SLC24A2: variants seen among roughly 807,000 people sequenced by gnomAD.
The protein encoded by SLC24A2 is solute carrier family 24 member 2.
Under a neutral mutation model 62.0 loss-of-function variants are expected in SLC24A2, and 36 were observed. The observed-to-expected ratio is 0.58, with a 90% confidence interval of 0.44 to 0.77. The LOEUF (loss-of-function observed/expected upper bound fraction) is 0.77, where lower values mean the gene tolerates loss of function less well. Ranked by LOEUF, SLC24A2 falls within the 30% of genes least tolerant of loss-of-function variation. SLC24A2 has a pLI of 0.00. For missense variants in SLC24A2, 846 were observed against 817.9 expected, an observed-to-expected ratio of 1.03 and a Z score of -0.42; for synonymous variants, 358 against 294.0, an observed-to-expected ratio of 1.22 and a Z score of -2.23.
chr9:20,162,617 C>T, the SLC24A2 span, among the ~76,000 whole-genome samples: 1 of 152,044 alleles, frequency 6.6e-6, no homozygotes, highest in Non-Finnish European at 1.5e-5. Flanking sequence ...GGAATCCTCC[C>T]TAACTCATTT....
At chr9:19,536,164 T>G (rs1233068197) in intron 8 of SLC24A2, among the ~76,000 whole-genome samples, 2 of 151,232 alleles carry the variant, frequency 1.3e-5, no homozygotes, top group African/African-American at 2.4e-5. Flanking sequence ...TTTTATCTGA[T>G]TCTAAGAAAT....
At chr9:20,171,040 T>C in the SLC24A2 span, among the ~76,000 whole-genome samples, 3 of 151,982 alleles carry the variant, frequency 2.0e-5, no homozygotes, top group Non-Finnish European at 4.4e-5. Context: ...CCCTACAAAC[T>C]AGAAGGGATT....
chr9:20,298,507 G>A, the SLC24A2 span, among the ~76,000 whole-genome samples: 1 of 152,220 alleles, frequency 6.6e-6, no homozygotes, highest in Non-Finnish European at 1.5e-5. Flanking sequence ...GGGATTACAG[G>A]CGTGAGCCAC....
the SLC24A2 span, among the ~76,000 whole-genome samples, chr9:20,307,064 CTAT>C: frequency 1.3e-5 from 2 of 152,132 alleles, no homozygotes; most frequent in African/African-American, 4.8e-5. Context: ...ATTTTACCTA[CTAT>C]GTTTTAAATC....
chr9:20,069,131 C>T, the SLC24A2 span, among the ~76,000 whole-genome samples: 40 of 152,274 alleles, frequency 2.6e-4, no homozygotes, highest in South Asian at 1.7e-3. Context: ...TTTCTTCTCC[C>T]TTATCCAAGC....
the SLC24A2 span, among the ~76,000 whole-genome samples, chr9:20,084,578 T>C: frequency 1.4e-5 from 2 of 146,646 alleles, no homozygotes; most frequent in African/African-American, 2.5e-5. Context: ...ACCACCTCAG[T>C]GAACTCTCCA....
At chr9:20,273,549 G>C in the SLC24A2 span, among the ~76,000 whole-genome samples, 1 of 152,104 alleles carries the variant, frequency 6.6e-6, no homozygotes, top group Non-Finnish European at 1.5e-5. Flanking sequence ...GAGATCTGGT[G>C]GTGTTAAAAA....
chr9:19,896,725 C>T, the SLC24A2 span, among the ~76,000 whole-genome samples: 1 of 152,178 alleles, frequency 6.6e-6, no homozygotes, highest in South Asian at 2.1e-4. Context: ...ATGGTGAAGA[C>T]TTTGTCCATC....
intron 7 of SLC24A2, among the ~76,000 whole-genome samples, chr9:19,558,498 T>G (rs1325586739): frequency 6.6e-6 from 1 of 152,200 alleles, no homozygotes; most frequent in Non-Finnish European, 1.5e-5. Context: ...GTGCACTTCA[T>G]TGCTGATGGC....
At chr9:19,543,883 G>T (rs1834412034) in intron 8 of SLC24A2, among the ~76,000 whole-genome samples, 1 of 152,170 alleles carries the variant, frequency 6.6e-6, no homozygotes, top group African/African-American at 2.4e-5. Flanking sequence ...GTGCGATGAG[G>T]TGCTGAGAAG....
the SLC24A2 span, among the ~76,000 whole-genome samples, chr9:19,864,935 T>C: frequency 6.6e-6 from 1 of 151,580 alleles, no homozygotes; most frequent in African/African-American, 2.4e-5. Flanking sequence ...ATATTTGGAA[T>C]AACCTAAAGA....
chr9:19,594,479 A>C (rs1836648568), intron 5 of SLC24A2, among the ~76,000 whole-genome samples: 2 of 152,084 alleles, frequency 1.3e-5, no homozygotes, highest in Admixed American at 1.3e-4. Context: ...ACAAAACAAA[A>C]CCAACCAACC....
the SLC24A2 span, among the ~76,000 whole-genome samples, chr9:20,284,176 T>C: frequency 6.6e-6 from 1 of 152,224 alleles, no homozygotes; most frequent in Non-Finnish European, 1.5e-5. Flanking sequence ...CCTAACTACC[T>C]GTAACATACA....
At chr9:20,061,900 C>T in the SLC24A2 span, among the ~76,000 whole-genome samples, 36 of 152,088 alleles carry the variant, frequency 2.4e-4, no homozygotes, top group East Asian at 6.0e-3. Flanking sequence ...GGGCAACCCA[C>T]GGAGTGGATG....
intron 7 of SLC24A2, among the ~76,000 whole-genome samples, chr9:19,565,517 T>A (rs1198689793): frequency 1.3e-5 from 2 of 150,830 alleles, no homozygotes; most frequent in African/African-American, 4.9e-5. Flanking sequence ...GAAGAATCAA[T>A]ATTGTGAAAA....
At chr9:20,034,718 T>G in the SLC24A2 span, among the ~76,000 whole-genome samples, 50 of 152,152 alleles carry the variant, frequency 3.3e-4, 1 homozygote, top group Non-Finnish European at 1.3e-4. Flanking sequence ...TCCGCCCGCC[T>G]TGACCTCCCA....
At chr9:19,827,528 T>C in the SLC24A2 span, among the ~76,000 whole-genome samples, 2 of 152,092 alleles carry the variant, frequency 1.3e-5, no homozygotes, top group South Asian at 4.1e-4. Context: ...ATTAGCTTTA[T>C]TGCCATATTT....
the SLC24A2 span, among the ~76,000 whole-genome samples, chr9:20,087,783 C>T: frequency 1.3e-5 from 2 of 151,710 alleles, no homozygotes; most frequent in African/African-American, 4.8e-5. Flanking sequence ...TCAGCTGAAA[C>T]ATCCAGGTAC....
At chr9:19,543,430 C>T (rs1017247038) in intron 8 of SLC24A2, among the ~76,000 whole-genome samples, 338 of 150,928 alleles carry the variant, frequency 2.2e-3, no homozygotes, top group Non-Finnish European at 3.1e-3. Flanking sequence ...TCTCTATCTC[C>T]TTCAGTTCTG....
Sources: gnomAD v4.1 joint callset for allele counts (sites outside exome capture counted in the v4.1 genomes callset) on GRCh38, gnomAD v4.1.1 for gene constraint, MANE v1.5 for transcripts, NCBI Gene and HGNC (gene_info 2026-07-23, HGNC 2026-07-21) for gene names.